The following GALNTL6 variants were observed in gnomAD, a reference collection of about 807,000 sequenced individuals.
The protein encoded by GALNTL6 is polypeptide N-acetylgalactosaminyltransferase like 6.
A neutral mutation model predicts 73.7 loss-of-function variants in GALNTL6; 46 were observed. That is an observed-to-expected ratio of 0.62 (90% CI 0.49 to 0.80). GALNTL6 has a LOEUF of 0.80. GALNTL6 is among the 30% of genes least tolerant of loss of function. GALNTL6 has a pLI of 0.00. For missense variants in GALNTL6, 604 were observed against 755.0 expected, an observed-to-expected ratio of 0.80 and a Z score of 2.34; for synonymous variants, 259 against 263.7, an observed-to-expected ratio of 0.98 and a Z score of 0.17.
intron 2 of GALNTL6, among the ~76,000 whole-genome samples, chr4:172,122,819 G>C (rs559872161): frequency 1.3e-5 from 2 of 152,180 alleles, no homozygotes; most frequent in South Asian, 4.1e-4. Context: ...CTCTTTCCTG[G>C]GGGGAACCCT....
intron 10 of GALNTL6, among the ~76,000 whole-genome samples, chr4:172,997,431 A>G (rs1395413535): frequency 1.3e-5 from 2 of 152,168 alleles, no homozygotes; most frequent in Non-Finnish European, 2.9e-5. Context: ...AGGAAGTGAA[A>G]TGATGCCCGT....
intron 10 of GALNTL6, among the ~76,000 whole-genome samples, chr4:172,957,446 T>C (rs1266376522): frequency 6.6e-6 from 1 of 152,030 alleles, no homozygotes; most frequent in Non-Finnish European, 1.5e-5. Context: ...AGCGGGGCAG[T>C]AGGTGGGAGT....
At chr4:172,685,528 A>G in intron 5 of GALNTL6, among the ~76,000 whole-genome samples, 1 of 152,200 alleles carries the variant, frequency 6.6e-6, no homozygotes, top group Non-Finnish European at 1.5e-5. Context: ...GTGTGACCAG[A>G]GGATAAAGAT....
chr4:172,153,657 C>T (rs773829227), intron 2 of GALNTL6, among the ~76,000 whole-genome samples: 1 of 152,166 alleles, frequency 6.6e-6, no homozygotes, highest in Non-Finnish European at 1.5e-5. Flanking sequence ...TGTCACGGTG[C>T]TTTGATCGTT....
At chr4:172,980,558 C>T (rs1345878041) in intron 10 of GALNTL6, among the ~76,000 whole-genome samples, 3 of 152,140 alleles carry the variant, frequency 2.0e-5, no homozygotes, top group African/African-American at 4.8e-5. Flanking sequence ...GTCAGGTTCT[C>T]GCGAGGGCTG....
intron 5 of GALNTL6, among the ~76,000 whole-genome samples, chr4:172,680,279 G>T (rs920919256): frequency 4.6e-5 from 7 of 152,102 alleles, no homozygotes; most frequent in African/African-American, 1.7e-4. Context: ...ACCTAAGGTT[G>T]CAGAGCTAAT....
chr4:171,852,985 T>G (rs900602572), intron 2 of GALNTL6, among the ~76,000 whole-genome samples: 1 of 149,474 alleles, frequency 6.7e-6, no homozygotes, highest in Non-Finnish European at 1.5e-5. Flanking sequence ...TAGCTGGGAC[T>G]ACAGGCGCCG....
intron 4 of GALNTL6, among the ~76,000 whole-genome samples, chr4:172,338,813 C>T (rs137880627): frequency 3.9e-5 from 6 of 152,250 alleles, no homozygotes; most frequent in East Asian, 1.9e-4. Flanking sequence ...GAATTGAGGG[C>T]GCAGCCACCA....
intron 2 of GALNTL6, among the ~76,000 whole-genome samples, chr4:171,947,334 C>T (rs1373072456): frequency 6.6e-6 from 1 of 152,052 alleles, no homozygotes; most frequent in South Asian, 2.1e-4. Flanking sequence ...TACTCTAGAA[C>T]AGAAAATATG....
rs377470374 is a variant in GALNTL6, at chr4:172,813,568, C to T, written c.768C>T (p.Ile256=). ...AAATTGCACTAAACCACAAAACCATCGTGTGTCCCATGATCGATGTCATTG... is the reference window on the plus strand; with the variant it reads ...AAATTGCACTAAACCACAAAACCATTGTGTGTCCCATGATCGATGTCATTG... ...LNQIALNHKT[I]VCPMIDVIDH... The change falls in exon 7 of 13, where the codon ATC becomes ATT. Residue 256 remains isoleucine (I), a synonymous_variant. Transcript: ENST00000506823. The T allele has an allele frequency of 1.5e-4, 246 of 1,609,058 alleles. No individual in the cohort carries two copies. The highest frequency in any genetic ancestry group is 2.0e-4 in the Non-Finnish European group (241 of 1,176,180).
chr4:171,947,042 A>G (rs1386563327), intron 2 of GALNTL6, among the ~76,000 whole-genome samples: 1 of 152,076 alleles, frequency 6.6e-6, no homozygotes, highest in Non-Finnish European at 1.5e-5. Flanking sequence ...AAAATGAAGA[A>G]TAACTGGCTA....
intron 7 of GALNTL6, among the ~76,000 whole-genome samples, chr4:172,814,923 T>C (rs1224124817): frequency 6.6e-6 from 1 of 152,192 alleles, no homozygotes; most frequent in Admixed American, 6.5e-5. Context: ...TCTTTTGACG[T>C]GATACTTACT....
At position 173,039,955 on chromosome 4, in the gene GALNTL6, T is replaced by C; in HGVS notation, c.1661T>C (p.Val554Ala). 1 of 1,613,904 alleles carries C rather than the reference T, an allele frequency of 6.2e-7. No homozygotes were observed. Among genetic ancestry groups the C allele is most frequent in the Non-Finnish European group, 8.5e-7 (1 of 1,179,900 alleles). Residue 554 changes from valine to alanine, a missense_variant, in exon 13 of 13, where the codon GTG (valine) becomes GCG (alanine). This residue lies in a region of GALNTL6 where 261 missense variants were observed against 296.5 expected (regional missense o/e 0.88). Transcript: ENST00000506823. ...YRKDRTLFHP[V>A]SNSCMDCNPA... Reference sequence around the variant, plus strand: ...CAGGACAGAACATTATTCCATCCTGTGAGCAACAGCTGCATGGATTGCAAC... The same window carrying C: ...CAGGACAGAACATTATTCCATCCTGCGAGCAACAGCTGCATGGATTGCAAC...
chr4:172,981,546 A>G (rs1250484056), intron 10 of GALNTL6, among the ~76,000 whole-genome samples: 1 of 152,018 alleles, frequency 6.6e-6, no homozygotes, highest in African/African-American at 2.4e-5. Flanking sequence ...GCCTGTTTCT[A>G]TTGGTCTATA....
intron 8 of GALNTL6, among the ~76,000 whole-genome samples, chr4:172,892,443 T>G (rs1344472142): frequency 1.3e-5 from 2 of 152,114 alleles, no homozygotes; most frequent in Admixed American, 6.5e-5. Flanking sequence ...GTTTCCTGCT[T>G]TGGGTTTCAC....
chr4:172,953,105 C>A (rs1235820611), intron 10 of GALNTL6, among the ~76,000 whole-genome samples: 1 of 152,162 alleles, frequency 6.6e-6, no homozygotes, highest in Non-Finnish European at 1.5e-5. Context: ...CACATTGATT[C>A]TTTAAATAAG....
At chr4:172,372,814 C>A (rs1435362510) in intron 5 of GALNTL6, among the ~76,000 whole-genome samples, 2 of 152,092 alleles carry the variant, frequency 1.3e-5, no homozygotes, top group Non-Finnish European at 2.9e-5. Context: ...TCCGGGGATC[C>A]ATAGTCGGCA....
intron 5 of GALNTL6, among the ~76,000 whole-genome samples, chr4:172,633,128 C>T (rs774248451): frequency 5.9e-5 from 9 of 152,142 alleles, no homozygotes; most frequent in Non-Finnish European, 1.5e-5. Flanking sequence ...GTTGAAGCCC[C>T]CACACAGAGT....
intron 2 of GALNTL6, among the ~76,000 whole-genome samples, chr4:172,151,016 C>A (rs1194083762): frequency 6.6e-6 from 1 of 152,078 alleles, no homozygotes; most frequent in Non-Finnish European, 1.5e-5. Context: ...TTACTGGACC[C>A]ATTATTTAAC....
Sources: gnomAD v4.1 joint callset for allele counts (sites outside exome capture counted in the v4.1 genomes callset) on GRCh38, gnomAD v4.1.1 for gene constraint, gnomAD v4.1.1 regional missense constraint, MANE v1.5 for transcripts, NCBI Gene and HGNC (gene_info 2026-07-23, HGNC 2026-07-21) for gene names.